The following DNMT1 variants were observed in gnomAD, a reference collection of about 807,000 sequenced individuals.
DNMT1 encodes the protein DNA methyltransferase 1.
DNMT1 carries 24 observed loss-of-function variants against 205.3 expected under a neutral mutation model. The ratio of observed to expected loss-of-function variants is 0.12; its 90% CI spans 0.08 to 0.16. The LOEUF (loss-of-function observed/expected upper bound fraction) is 0.16. Among genes scored for constraint, DNMT1 ranks in the 10% least tolerant of loss-of-function variants. The pLI is 1.00. For missense variants in DNMT1, 1,293 were observed against 2,177.7 expected, an observed-to-expected ratio of 0.59 and a Z score of 8.09; for synonymous variants, 817 against 839.8, an observed-to-expected ratio of 0.97 and a Z score of 0.47.
At chr19:10,179,110 C>T (rs1599394659) in intron 5 of DNMT1, among the ~76,000 whole-genome samples, 1 of 92,336 alleles carries the variant, frequency 1.1e-5, no homozygotes, top group Admixed American at 1.7e-4. Context: ...GCCTGGGAGA[C>T]AACAAGACTC....
At chr19:10,180,649 A>T (rs1232080698) in intron 3 of DNMT1, 80 bp from the exon 4 acceptor site, 1 of 1,220,284 alleles carries the variant, frequency 8.2e-7, no homozygotes, top group East Asian at 2.5e-5. Context: ...TGTTTCCTTC[A>T]TCATCATCAT....
chr19:10,140,185 G>A lies in DNMT1; in HGVS notation c.3667C>T (p.Arg1223Cys), dbSNP rs779029407. Residue 1223 changes from arginine to cysteine, a missense_variant, in exon 33 of 41, where the codon CGC (arginine) becomes TGC (cysteine). Physicochemically the swap from Arg to Cys is radical, Grantham distance 180. This residue lies in a region of DNMT1 where 24 missense variants were observed against 27.2 expected (regional missense o/e 0.88). Coordinates refer to ENST00000359526, the MANE Select transcript of DNMT1 (RefSeq NM_001130823.3). This position sits in a 1 kb window ranked among gnomAD's most constrained non-coding sequence, Gnocchi z 8.4. ...CCCTTCTGGGGCAGCCGCTGGCCGC[G>A]GGAGTTGGTGGTCTCCCCAGCCATG... ...LVMAGETTNSRGQRLPQKGDV... is the reference protein window; with the variant it reads ...LVMAGETTNSCGQRLPQKGDV... The A allele has an allele frequency of 4.3e-6, 7 of 1,613,860 alleles. No individual in the cohort carries two copies. Among genetic ancestry groups the A allele is most frequent in the Non-Finnish European group, 5.1e-6 (6 of 1,180,040 alleles).
At chr19:10,168,585 T>C (rs576018371) in intron 9 of DNMT1, among the ~76,000 whole-genome samples, 1 of 152,276 alleles carries the variant, frequency 6.6e-6, no homozygotes, top group South Asian at 2.1e-4. Flanking sequence ...GACAGCAATT[T>C]TCTTTTCTTC....
In DNMT1 at chr19:10,137,991, G is replaced by C; in HGVS notation, c.4134C>G (p.Phe1378Leu). 6.2e-7 allele frequency: 1 copy of C among 1,611,160 alleles called. No individual in the cohort carries two copies. The highest frequency in any genetic ancestry group is 8.5e-7 in the Non-Finnish European group (1 of 1,178,998). ...SNITRLSSGP[F>L]RTITVRDTMS... The stretch of plus-strand genomic sequence containing the variant: ...TCGTGTCTCGCACCGTGATGGTCCG[G>C]AAAGGACCCGAGCTCAACCTGCAAC... Residue 1378 changes from phenylalanine (F) to leucine (L), a missense_variant, in exon 36 of 41, where the codon TTC (phenylalanine) becomes TTG (leucine). Physicochemically the swap from Phe to Leu is conservative, Grantham distance 22. Around this residue, in one of 13 missense-constraint regions of DNMT1, gnomAD observed 148 missense variants for 256.1 expected, o/e 0.58. Coordinates refer to ENST00000359526, the MANE Select transcript of DNMT1 (RefSeq NM_001130823.3). This position sits in a 1 kb window ranked among gnomAD's most constrained non-coding sequence, Gnocchi z 6.4.
chr19:10,133,591 T>C lies in DNMT1; in HGVS notation c.*76A>G. On this transcript the variant is annotated 3_prime_UTR_variant, in exon 41 of 41. Transcript: ENST00000359526. This position sits in a 1 kb window ranked among gnomAD's most constrained non-coding sequence, Gnocchi z 4.1. ...GTACCACACATGTGAACGGACAGAT[T>C]GACATGTTAAAAACACAACATCAGT... 1 of 1,511,036 alleles carries C rather than the reference T, an allele frequency of 6.6e-7. No homozygotes were observed. Among genetic ancestry groups the C allele is most frequent in the Non-Finnish European group, 9.0e-7 (1 of 1,108,522 alleles). The allele number at this position is 1,511,036 out of a possible 1,614,324, so 93.6% of individuals were successfully genotyped here.
chr19:10,139,673 C>T lies in DNMT1; in HGVS notation c.3948+3G>A, dbSNP rs1599345583. 1.2e-6 allele frequency: 2 copies of T among 1,612,450 alleles called. No individual in the cohort carries two copies. Among genetic ancestry groups the T allele is most frequent in the East Asian group, 2.2e-5 (1 of 44,864 alleles). On this transcript the variant is annotated splice_donor_region_variant and intron_variant, in intron 34 of 40. Transcript: ENST00000359526. ...GTCTGCCCGCCCCAGCCCCAGGGCCCACCTGCAGCACGCCGAAGGTGCACT... is the reference window on the plus strand; with the variant it reads ...GTCTGCCCGCCCCAGCCCCAGGGCCTACCTGCAGCACGCCGAAGGTGCACT...
At chr19:10,186,838 CAA>C (rs35238334) in intron 1 of DNMT1, among the ~76,000 whole-genome samples, 4,225 of 70,676 alleles carry the variant, frequency 0.06, 276 homozygotes, top group African/African-American at 0.22. Flanking sequence ...AACTCCGTCT[CAA>C]AAAAAAAAAA....
chr19:10,193,588 T>C (rs1338062529), intron 1 of DNMT1, among the ~76,000 whole-genome samples: 1 of 147,100 alleles, frequency 6.8e-6, no homozygotes, highest in East Asian at 2.0e-4. Context: ...GGTCTCAAAC[T>C]CCTGGCTCAA....
Position 10,176,453 on chromosome 19 carries a change from G to A in DNMT1, c.570-835C>T, listed in dbSNP as rs79024019. ...ACCAAACGCTGTCTGTTTGCCACAC[G>A]GCTTGTTCACCACAAAGGGAAAAAC... On this transcript the variant is annotated intron_variant, in intron 6 of 40. Transcript: ENST00000359526. Among the ~76,000 whole-genome samples, 1,520 of 152,282 alleles carry A rather than the reference G, an allele frequency of 1.0e-2. 10 individuals are homozygous for A. Among genetic ancestry groups the A allele is most frequent in the Non-Finnish European group, 0.014 (927 of 68,034 alleles).
In DNMT1 at chr19:10,151,524, C is replaced by T. The variant is rs779209291; in HGVS notation, c.2139G>A (p.Lys713=). 2.0e-5 allele frequency: 32 copies of T among 1,613,902 alleles called. No homozygotes were observed. Among genetic ancestry groups the T allele is most frequent in the Non-Finnish European group, 1.7e-6 (2 of 1,180,046 alleles). Residue 713 remains lysine (K), a synonymous_variant, in exon 24 of 41, where the codon AAG becomes AAA. Coordinates refer to ENST00000359526, the MANE Select transcript of DNMT1 (RefSeq NM_001130823.3). This position sits in a 1 kb window ranked among gnomAD's most constrained non-coding sequence, Gnocchi z 5.0. ...QERRCPNMAM[K]EADDDEEVDD... ...CGACTTCCTCATCGTCATCTGCCTC[C>T]TTCATGGCCATATTGGGACACCTGC...
At chr19:10,185,109 G>A (rs2039152783) in intron 1 of DNMT1, among the ~76,000 whole-genome samples, 1 of 152,216 alleles carries the variant, frequency 6.6e-6, no homozygotes, top group African/African-American at 2.4e-5. Flanking sequence ...GGGACTTCCT[G>A]ACTTGCTGTG....
Position 10,156,385 on chromosome 19 carries a change from C to T in DNMT1, c.1399+6G>A. ...GCCCCAAACATAATCCCGGACTATT[C>T]CTTACCTTCAAGAGATGGGTCATCA... On this transcript the variant is annotated splice_donor_region_variant and intron_variant, in intron 18 of 40. Coordinates refer to ENST00000359526, the MANE Select transcript of DNMT1 (RefSeq NM_001130823.3). The surrounding 1 kb of genome is among the most constrained non-coding windows in gnomAD (Gnocchi z 4.2). The T allele has an allele frequency of 6.2e-7, 1 of 1,602,434 alleles. No homozygotes were observed. The highest frequency in any genetic ancestry group is 8.5e-7 in the Non-Finnish European group (1 of 1,170,624).
At chr19:10,144,483 ACTGG>A (rs2089660705) in intron 28 of DNMT1, 1 of 216,066 alleles carries the variant, frequency 4.6e-6, no homozygotes, top group Admixed American at 5.3e-5. Flanking sequence ...TCTGCGCATT[ACTGG>A]CTACGGTGGT....
intron 10 of DNMT1, 113 bp downstream of exon 10, chr19:10,168,217 A>C: frequency 7.6e-5 from 93 of 1,224,762 alleles, no homozygotes; most frequent in Non-Finnish European, 1.0e-4. Context: ...TGCCCACATA[A>C]GAGACATATG....
intron 1 of DNMT1, among the ~76,000 whole-genome samples, chr19:10,185,812 C>A (rs1168020910): frequency 6.8e-6 from 1 of 147,258 alleles, no homozygotes; most frequent in African/African-American, 2.5e-5. Flanking sequence ...CCTGTTCAGC[C>A]TGGGCAACAG....
intron 6 of DNMT1, 141 bp downstream of exon 6, chr19:10,177,151 T>C: frequency 5.4e-6 from 4 of 747,558 alleles, no homozygotes; most frequent in Non-Finnish European, 9.0e-6. Flanking sequence ...GAAATGCTAT[T>C]CATAAATGTC....
intron 27 of DNMT1, among the ~76,000 whole-genome samples, chr19:10,148,116 C>CAAAAAAAAAAAAAAAAAAA: frequency 1.7e-5 from 1 of 59,294 alleles, no homozygotes; most frequent in Non-Finnish European, 3.1e-5. Context: ...AACTCTGTCT[C>CAAAAAAAAAAAAAAAAAAA]AAAAAAAAAA....
Position 10,162,711 on chromosome 19 carries a change from T to C in DNMT1, c.964A>G (p.Lys322Glu), listed in dbSNP as rs1275211463. 1.9e-6 allele frequency: 3 copies of C among 1,614,090 alleles called. No homozygotes were observed. Among genetic ancestry groups the C allele is most frequent in the Admixed American group, 1.7e-5 (1 of 59,994 alleles). ...TCATCAGAAATCTGTGGATTTACTT[T>C]TTCAGGTTCTTTTTCTTCGGGCCTC... ...KRRPEEKEPE[K>E]VNPQISDEKD... The change falls in exon 13 of 41, where the codon AAA (lysine) becomes GAA (glutamate). Residue 322 changes from lysine (K) to glutamate (E), a missense_variant. By Grantham distance (56) the Lys-to-Glu change is moderately conservative (BLOSUM62 1). Coordinates refer to ENST00000359526, the MANE Select transcript of DNMT1 (RefSeq NM_001130823.3).
Position 10,135,811 on chromosome 19 carries a change from C to G in DNMT1, c.4698G>C (p.Val1566=), listed in dbSNP as rs1323627707. ...AGCCCTGGGAGCGGGCACACTCCCGCACGCTCACCACACGGTGCTGCTCTG... is the reference window on the plus strand; with the variant it reads ...AGCCCTGGGAGCGGGCACACTCCCGGACGCTCACCACACGGTGCTGCTCTG... The part of the protein sequence containing the change: ...LHPEQHRVVS[V]RECARSQGFP... Residue 1566 remains valine (V), a synonymous_variant, in exon 39 of 41, where the codon GTG becomes GTC. Transcript: ENST00000359526. 1 of 1,574,254 alleles carries G rather than the reference C, an allele frequency of 6.4e-7. No individual in the cohort carries two copies. Among genetic ancestry groups the G allele is most frequent in the African/African-American group, 1.3e-5 (1 of 74,218 alleles).
Sources: allele counts gnomAD v4.1 joint callset (sites outside exome capture counted in the v4.1 genomes callset), GRCh38; gene constraint gnomAD v4.1.1; regional missense constraint gnomAD v4.1.1; non-coding constraint Gnocchi (gnomAD v3.1); transcripts MANE v1.5; gene names NCBI Gene and HGNC (gene_info 2026-07-23, HGNC 2026-07-21).